The following MARCHF6 variants were observed in gnomAD, a reference collection of about 807,000 sequenced individuals.
The protein encoded by MARCHF6 is membrane associated ring-CH-type finger 6.
A neutral mutation model predicts 133.7 loss-of-function variants in MARCHF6; 31 were observed. The observed-to-expected ratio is 0.23, with a 90% confidence interval of 0.17 to 0.31. The LOEUF (loss-of-function observed/expected upper bound fraction) is 0.31, where lower values mean the gene tolerates loss of function less well. MARCHF6 is among the 10% of genes least tolerant of loss of function. The pLI, the probability that MARCHF6 is intolerant of heterozygous loss-of-function variation, is 1.00. For missense variants in MARCHF6, 723 were observed against 1,121.6 expected (o/e 0.64, Z 5.08); for synonymous variants, 395 against 402.5 (o/e 0.98, Z 0.22).
At chr5:10,355,926 T>C (rs1274947642) in intron 1 of MARCHF6, among the ~76,000 whole-genome samples, 1 of 152,236 alleles carries the variant, frequency 6.6e-6, no homozygotes, top group African/African-American at 2.4e-5. Context: ...ATCATTTATA[T>C]AATTTGGTGG....
At chr5:10,369,234 G>A (rs1227896047) in intron 1 of MARCHF6, among the ~76,000 whole-genome samples, 1 of 152,240 alleles carries the variant, frequency 6.6e-6, no homozygotes, top group African/African-American at 2.4e-5. Context: ...TGCAGTTTCA[G>A]TGTATGCCCA....
rs188828140 is a variant in MARCHF6 at position 10,425,463 on chromosome 5, C to T, written c.2374-927C>T. Among the ~76,000 whole-genome samples, 10 of 152,214 alleles carry T rather than the reference C, an allele frequency of 6.6e-5. No homozygotes were observed. In the East Asian group the frequency reaches 7.7e-4, roughly 12 times the overall value. On this transcript the variant is annotated intron_variant, in intron 23 of 25. Coordinates refer to ENST00000274140, the MANE Select transcript of MARCHF6 (RefSeq NM_005885.4). ...TTATCTTATTCATTGTTTTCTCTTGCGTATGTGCGTGTGTGTCTCTGTAAA... is the reference window on the plus strand; with the variant it reads ...TTATCTTATTCATTGTTTTCTCTTGTGTATGTGCGTGTGTGTCTCTGTAAA...
chr5:10,394,694 T>A, intron 8 of MARCHF6, 59 bp from the exon 9 acceptor site: 1 of 1,358,930 alleles, frequency 7.4e-7, no homozygotes, highest in Non-Finnish European at 1.0e-6. Context: ...TTTTCATAAA[T>A]TAGAATAGAA....
chr5:10,437,468 C>G lies in MARCHF6; in HGVS notation c.*3784C>G, dbSNP rs1740697996. Reference sequence around the variant, plus strand: ...TTTTCAGCCTGTTACTGTCCTGTGCCATTTTTAAAAATAGCCATCATGAGT... The same window carrying G: ...TTTTCAGCCTGTTACTGTCCTGTGCGATTTTTAAAAATAGCCATCATGAGT... On this transcript the variant is annotated 3_prime_UTR_variant, in exon 26 of 26. Coordinates refer to ENST00000274140, the MANE Select transcript of MARCHF6 (RefSeq NM_005885.4). 6.6e-6 allele frequency: 1 copy of G among 152,176 alleles called. No homozygotes were observed. Among genetic ancestry groups the G allele is most frequent in the South Asian group, 2.1e-4 (1 of 4,834 alleles). The allele number at this position is 152,176 out of a possible 1,614,324, so 9.4% of individuals were successfully genotyped here.
chr5:10,387,001 C>T lies in MARCHF6; in HGVS notation c.342C>T (p.Ile114=), dbSNP rs764805201. The change falls in exon 5 of 26, where the codon ATC becomes ATT. Residue 114 remains isoleucine (I), a synonymous_variant. Transcript: ENST00000274140. Reference sequence around the variant, plus strand: ...CATGCTCTTTTTCGGTAGGCCGCATCTACAAGTGCTTGTTTACTGGCTCCG... The same window carrying T: ...CATGCTCTTTTTCGGTAGGCCGCATTTACAAGTGCTTGTTTACTGGCTCCG... ...LGVVPLTACR[I]YKCLFTGSVS... is the part of the protein sequence containing the mutation. 7.4e-6 allele frequency: 12 copies of T among 1,613,272 alleles called. No individual in the cohort carries two copies. The highest frequency in any genetic ancestry group is 6.7e-5 in the Admixed American group (4 of 60,026).
Position 10,430,034 on chromosome 5 carries a change from T to G in MARCHF6, c.2642+6T>G. ...GAACATATTAAAAATGACAAGTAAG[T>G]CTGGCGTTCTGTTCGTCTCTTGTTT... On this transcript the variant is annotated splice_donor_region_variant and intron_variant, in intron 25 of 25. Coordinates refer to ENST00000274140, the MANE Select transcript of MARCHF6 (RefSeq NM_005885.4). The G allele has an allele frequency of 1.9e-6, 3 of 1,605,688 alleles. No homozygotes were observed. The highest frequency in any genetic ancestry group is 2.6e-6 in the Non-Finnish European group (3 of 1,173,572).
intron 3 of MARCHF6, among the ~76,000 whole-genome samples, chr5:10,379,130 C>CT (rs949686228): frequency 6.6e-6 from 1 of 151,914 alleles, no homozygotes; most frequent in East Asian, 1.9e-4. Context: ...ATGCAAAAAT[C>CT]TAACAAGTCC....
intron 5 of MARCHF6, among the ~76,000 whole-genome samples, chr5:10,389,713 T>C (rs900238037): frequency 1.3e-5 from 2 of 152,222 alleles, no homozygotes; most frequent in Non-Finnish European, 2.9e-5. Flanking sequence ...AGTGACAAAC[T>C]TCTATAAAAT....
At position 10,439,584 on chromosome 5, in the gene MARCHF6, CTGAACAAGTAAACCCAT is replaced by C. The variant is rs1740779196; in HGVS notation, c.*5903_*5919del. 1 of 152,202 alleles carries C rather than the reference CTGAACAAGTAAACCCAT, an allele frequency of 6.6e-6. No homozygotes were observed. Among genetic ancestry groups the C allele is most frequent in the South Asian group, 2.1e-4 (1 of 4,830 alleles). 9.4% of individuals were successfully genotyped at this position (152,202 alleles called of 1,614,324 possible). A position where few individuals can be genotyped will look rare whatever the true frequency, so the allele number is the denominator to read the frequency against. On this transcript the variant is annotated 3_prime_UTR_variant, in exon 26 of 26. Transcript: ENST00000274140. ...TAGATTACATAAAGAAGTCTCAAAA[CTGAACAAGTAAACCCAT>C]TGTTTACTTAATCGCTGTTTCTCCT...
intron 1 of MARCHF6, among the ~76,000 whole-genome samples, chr5:10,355,091 A>T (rs1481235562): frequency 6.6e-6 from 1 of 152,206 alleles, no homozygotes; most frequent in Non-Finnish European, 1.5e-5. Context: ...CGTTATTTTA[A>T]TAGCTTGTCG....
chr5:10,432,988 T>C (rs1740441450), intron 25 of MARCHF6, among the ~76,000 whole-genome samples: 1 of 147,966 alleles, frequency 6.8e-6, no homozygotes, highest in African/African-American at 2.5e-5. Flanking sequence ...CTGCAACCTC[T>C]ACCTCCCAGG....
At chr5:10,433,563 A>T in intron 25 of MARCHF6, 31 bp from the exon 26 acceptor site, 1 of 1,504,044 alleles carries the variant, frequency 6.6e-7, no homozygotes, top group Non-Finnish European at 9.3e-7. Flanking sequence ...CATTCATAGA[A>T]GAGAGTAACC....
rs750364316 is a variant in MARCHF6, at chr5:10,391,721, C to T, written c.756C>T (p.Asn252=). 8.3e-6 allele frequency: 13 copies of T among 1,557,132 alleles called. No homozygotes were observed. The highest frequency in any genetic ancestry group is 2.8e-5 in the African/African-American group (2 of 72,380). ...AGVEDAADAN[N]GAQDDMNWNA... ...TGGAGGATGCGGCAGATGCTAATAA[C>T]GGAGCCCAGGGTAATGGCTGCTTGT... The change falls in exon 7 of 26, where the codon AAC becomes AAT. Residue 252 remains asparagine (N), a synonymous_variant. Transcript: ENST00000274140.
intron 16 of MARCHF6, among the ~76,000 whole-genome samples, chr5:10,406,858 T>C (rs989716101): frequency 6.6e-6 from 1 of 152,200 alleles, no homozygotes; most frequent in Non-Finnish European, 1.5e-5. Context: ...TGATTATCCT[T>C]TGTGGCTTCC....
rs368046198 is a variant in MARCHF6 at position 10,437,103 on chromosome 5, C to T, written c.*3419C>T. On this transcript the variant is annotated 3_prime_UTR_variant, in exon 26 of 26. Transcript: ENST00000274140. The stretch of plus-strand genomic sequence containing the variant: ...CACTGGACAGTTCTACATTGTATTG[C>T]GTTTGCGAATGTGCGTGAACACACG... 63 of 152,326 alleles carry T rather than the reference C, an allele frequency of 4.1e-4. 1 individual carries two copies. Among genetic ancestry groups the T allele is most frequent in the Admixed American group, 1.4e-3 (21 of 15,304 alleles). The allele number at this position is 152,326 out of a possible 1,614,324, so 9.4% of individuals were successfully genotyped here. A position where few individuals can be genotyped will look rare whatever the true frequency, so the allele number is the denominator to read the frequency against.
In MARCHF6 at chr5:10,440,036, T is replaced by C. The variant is rs1740798379; in HGVS notation, c.*6352T>C. 1 of 152,260 alleles carries C rather than the reference T, an allele frequency of 6.6e-6. No individual in the cohort carries two copies. The highest frequency in any genetic ancestry group is 2.4e-5 in the African/African-American group (1 of 41,472). The allele number at this position is 152,260 out of a possible 1,614,324, so 9.4% of individuals were successfully genotyped here. On this transcript the variant is annotated 3_prime_UTR_variant, in exon 26 of 26. Coordinates refer to ENST00000274140, the MANE Select transcript of MARCHF6 (RefSeq NM_005885.4). Reference sequence around the variant, plus strand: ...CCTGTCTCATCTCCCTGCTGTATTTTGTACTCCCGGCTCTCTTTTGTACTT... The same window carrying C: ...CCTGTCTCATCTCCCTGCTGTATTTCGTACTCCCGGCTCTCTTTTGTACTT...
intron 3 of MARCHF6, among the ~76,000 whole-genome samples, chr5:10,380,926 C>CAA (rs200519303): frequency 1.5e-4 from 15 of 98,394 alleles, no homozygotes; most frequent in Non-Finnish European, 2.7e-4. Context: ...GACTCTGACT[C>CAA]AAAAAAAAAA....
rs949017751 is a variant in MARCHF6, at chr5:10,439,544, T to G, written c.*5860T>G. ...AAAAATATTTGCAAAACATTTCTGA[T>G]AAATGAGTTGCATCTAGATTACATA... On this transcript the variant is annotated 3_prime_UTR_variant, in exon 26 of 26. Coordinates refer to ENST00000274140, the MANE Select transcript of MARCHF6 (RefSeq NM_005885.4). The G allele has an allele frequency of 8.5e-5, 13 of 152,228 alleles. No homozygotes were observed. The highest frequency in any genetic ancestry group is 8.5e-4 in the Admixed American group (13 of 15,286). 9.4% of individuals were successfully genotyped at this position (152,228 alleles called of 1,614,324 possible).
chr5:10,358,972 G>A (rs1223742542), intron 1 of MARCHF6, among the ~76,000 whole-genome samples: 10 of 152,156 alleles, frequency 6.6e-5, no homozygotes, highest in Non-Finnish European at 1.2e-4. Context: ...GAAATTAACC[G>A]TAGTGCATAC....
Sources: allele counts gnomAD v4.1 joint callset (sites outside exome capture counted in the v4.1 genomes callset), GRCh38; gene constraint gnomAD v4.1.1; transcripts MANE v1.5; gene names NCBI Gene and HGNC (gene_info 2026-07-23, HGNC 2026-07-21).